Variants in HERC5 observed in about 807,000 individuals in gnomAD.
HERC5 encodes HECT and RLD domain containing E3 ubiquitin protein ligase 5.
In HERC5, 99 loss-of-function variants were observed where a neutral mutation model predicts 119.6. That is an observed-to-expected ratio of 0.83 (90% CI 0.70 to 0.98). HERC5 has a LOEUF of 0.98. HERC5 is among the 50% of genes least tolerant of loss of function. The pLI, the probability that HERC5 is intolerant of heterozygous loss-of-function variation, is 0.00. For synonymous variants in HERC5, 478 were observed against 445.9 expected, an observed-to-expected ratio of 1.07 and a Z score of -0.91; for missense variants, 1,267 against 1,241.3, an observed-to-expected ratio of 1.02 and a Z score of -0.31.
Position 88,467,057 on chromosome 4 carries a change from A to AG in HERC5, c.912dup, listed in dbSNP as rs767921967. On this transcript the variant is annotated splice_acceptor_variant, in intron 6 of 22. Transcript: ENST00000264350. LOFTEE classifies it high-confidence loss of function. ...TTGACCATATGTGCTTTTATTTAAT[A>AG]GGTGGCACACACTTGCCTATGTTTC... is the stretch of plus-strand genomic sequence containing the variant. 2 of 1,613,910 alleles carry AG rather than the reference A, an allele frequency of 1.2e-6. No individual in the cohort carries two copies. The highest frequency in any genetic ancestry group is 1.7e-6 in the Non-Finnish European group (2 of 1,179,854).
At chr4:88,462,944 C>T (rs1288357595) in intron 4 of HERC5, among the ~76,000 whole-genome samples, 8 of 152,182 alleles carry the variant, frequency 5.3e-5, no homozygotes, top group Non-Finnish European at 1.0e-4. Context: ...AATTCTGCTG[C>T]TTTACCCAGC....
In HERC5 at chr4:88,487,835, C is replaced by T. The variant is rs562195919; in HGVS notation, c.1962+656C>T. Among the ~76,000 whole-genome samples, 37 of 152,192 alleles carry T rather than the reference C, an allele frequency of 2.4e-4. No individual in the cohort carries two copies. In the East Asian group the frequency reaches 3.1e-3, roughly 13 times the overall value. ...AGGAATTGTATCAGATAATCCCTGC[C>T]GCATTGCAATTTAATAATGATTAAA... On this transcript the variant is annotated intron_variant, in intron 15 of 22. Transcript: ENST00000264350.
At chr4:88,505,248 C>T (rs1286798553) in intron 22 of HERC5, among the ~76,000 whole-genome samples, 1 of 152,182 alleles carries the variant, frequency 6.6e-6, no homozygotes, top group Non-Finnish European at 1.5e-5. Context: ...TTGAACCTCA[C>T]CTACCTCCTT....
intron 18 of HERC5, among the ~76,000 whole-genome samples, chr4:88,498,492 C>T (rs1277402706): frequency 6.6e-6 from 1 of 152,188 alleles, no homozygotes. Flanking sequence ...TAGTTGGGAC[C>T]TATTACCCCT....
At chr4:88,486,278 C>T (rs1378904579) in intron 14 of HERC5, 50 bp downstream of exon 14, 4 of 1,135,566 alleles carry the variant, frequency 3.5e-6, no homozygotes, top group Non-Finnish European at 5.2e-6. Flanking sequence ...TGAGTTAATA[C>T]AGGCATTTCT....
At chr4:88,486,073 C>G in intron 13 of HERC5, 42 bp from the exon 14 acceptor site, 1 of 1,253,828 alleles carries the variant, frequency 8.0e-7, no homozygotes, top group Non-Finnish European at 1.1e-6. Context: ...GCAAAATTGT[C>G]TTTAAATATA....
intron 17 of HERC5, 37 bp downstream of exon 17, chr4:88,493,192 C>T (rs757465761): frequency 2.5e-6 from 4 of 1,601,736 alleles, no homozygotes; most frequent in Non-Finnish European, 3.4e-6. Context: ...TATTTTGCGA[C>T]AGAAAAAGTA....
chr4:88,465,853 T>C (rs533599403), intron 6 of HERC5, among the ~76,000 whole-genome samples: 1 of 152,354 alleles, frequency 6.6e-6, no homozygotes, highest in East Asian at 1.9e-4. Context: ...GCTGAGCTTG[T>C]GGCTGTCACC....
chr4:88,464,857 G>A (rs556401734), intron 6 of HERC5, among the ~76,000 whole-genome samples: 147 of 152,256 alleles, frequency 9.7e-4, no homozygotes, highest in African/African-American at 1.9e-3. Context: ...TGCAAGCTCC[G>A]CCTCCTGGGT....
rs562742697 is a variant in HERC5, at chr4:88,464,192, A to T, written c.911+207A>T. On this transcript the variant is annotated intron_variant, in intron 6 of 22. Coordinates refer to ENST00000264350, the MANE Select transcript of HERC5 (RefSeq NM_016323.4). ...GATTTTTTTTTTTTTTTTTTTTTTT[A>T]AATGAGCAGATACAATTCACTTTCT... Among the ~76,000 whole-genome samples, 321 of 135,708 alleles carry T rather than the reference A, an allele frequency of 2.4e-3. 1 individual carries two copies. The highest frequency in any genetic ancestry group is 2.9e-3 in the African/African-American group (105 of 36,066). The allele number at this position is 135,708 out of a possible 152,430, so 89.0% of individuals were successfully genotyped here. A position where few individuals can be genotyped will look rare whatever the true frequency, so the allele number is the denominator to read the frequency against.
intron 20 of HERC5, among the ~76,000 whole-genome samples, chr4:88,501,462 T>TA (rs1741945120): frequency 6.6e-6 from 1 of 152,188 alleles, no homozygotes; most frequent in Non-Finnish European, 1.5e-5. Context: ...GTTACTATGA[T>TA]ATTTTGACTT....
intron 4 of HERC5, among the ~76,000 whole-genome samples, chr4:88,462,708 A>G (rs1185728275): frequency 6.6e-6 from 1 of 152,202 alleles, no homozygotes; most frequent in Non-Finnish European, 1.5e-5. Context: ...ACAAGTTTGG[A>G]TGAGATGACC....
At chr4:88,467,932 A>G in intron 7 of HERC5, 1 of 954,868 alleles carries the variant, frequency 1.0e-6, no homozygotes, top group African/African-American at 1.8e-5. Context: ...TTCCTTAAGC[A>G]GCATGTATTA....
intron 3 of HERC5, among the ~76,000 whole-genome samples, chr4:88,460,509 C>T (rs1255060055): frequency 1.3e-5 from 2 of 152,226 alleles, no homozygotes; most frequent in African/African-American, 2.4e-5. Flanking sequence ...CTTTTCCTAA[C>T]ACCTTTCCAA....
chr4:88,492,974 G>C, intron 16 of HERC5, 38 bp from the exon 17 acceptor site: 1 of 1,605,660 alleles, frequency 6.2e-7, no homozygotes, highest in Non-Finnish European at 8.5e-7. Flanking sequence ...GCAATATAGA[G>C]CCCTGGAAGT....
intron 18 of HERC5, among the ~76,000 whole-genome samples, chr4:88,498,244 G>A (rs1226692272): frequency 1.3e-5 from 2 of 152,160 alleles, no homozygotes; most frequent in African/African-American, 4.8e-5. Context: ...CTGCTCTAGA[G>A]ACCCGAGAAG....
At chr4:88,461,108 A>G (rs1250659374) in intron 3 of HERC5, among the ~76,000 whole-genome samples, 3 of 152,236 alleles carry the variant, frequency 2.0e-5, no homozygotes, top group East Asian at 3.8e-4. Context: ...ATGTTCATAA[A>G]CTGAATAGAA....
chr4:88,470,784 T>TG, intron 10 of HERC5, 111 bp downstream of exon 10: 1 of 472,734 alleles, frequency 2.1e-6, no homozygotes. Context: ...TTTTTAAAAA[T>TG]TTTTTTTAAC....
At chr4:88,501,125 A>G in intron 20 of HERC5, 140 bp downstream of exon 20, 2 of 598,440 alleles carry the variant, frequency 3.3e-6, no homozygotes, top group Non-Finnish European at 2.9e-6. Context: ...TGTGTGTTGT[A>G]TGTGTTTTGA....
Sources: allele counts gnomAD v4.1 joint callset (sites outside exome capture counted in the v4.1 genomes callset), GRCh38; gene constraint gnomAD v4.1.1; transcripts MANE v1.5; gene names NCBI Gene and HGNC (gene_info 2026-07-23, HGNC 2026-07-21).